TUBB8: variants seen among roughly 807,000 people sequenced by gnomAD.
TUBB8 encodes tubulin beta 8 class VIII.
In TUBB8, 25 loss-of-function variants were observed where a neutral mutation model predicts 33.7. That is an observed-to-expected ratio of 0.74 (90% CI 0.54 to 1.04). The LOEUF (loss-of-function observed/expected upper bound fraction) is 1.04, where lower values mean the gene tolerates loss of function less well. Among genes scored for constraint, TUBB8 ranks in the 50% least tolerant of loss-of-function variants. TUBB8 has a pLI of 0.00. For synonymous variants in TUBB8, 245 were observed against 240.1 expected (o/e 1.02, Z -0.19); for missense variants, 279 against 608.0 (o/e 0.46, Z 5.69).
chr10:51,766 C>A (rs1447947406), upstream of TUBB8, among the ~76,000 whole-genome samples: 1 of 152,168 alleles, frequency 6.6e-6, no homozygotes, highest in Non-Finnish European at 1.5e-5. Context: ...CTTCTAGGAC[C>A]ACCTTCCCTT....
Position 55,205 on chromosome 10 carries a change from G to C in TUBB8, c.-845-4972C>G, listed in dbSNP as rs183196568. 1.5e-3 allele frequency among the ~76,000 whole-genome samples: 227 copies of C among 152,312 alleles called. 1 individual carries two copies. The highest frequency in any genetic ancestry group is 2.4e-3 in the Non-Finnish European group (164 of 68,022). On this transcript the variant is annotated intron_variant, in intron 1 of 3. Coordinates refer to the TUBB8 transcript ENST00000564130. ...GAGAGAGCATATATGTGAAGCAAAG[G>C]GGGAAGAGCCCCTTATAAAAACATC...
At chr10:54,843 C>A (rs1834509366) in intron 1 of TUBB8, among the ~76,000 whole-genome samples, 3 of 152,196 alleles carry the variant, frequency 2.0e-5, no homozygotes, top group Admixed American at 2.0e-4. Flanking sequence ...ACTGCAACCT[C>A]CACCTCCTGG....
intron 1 of TUBB8, among the ~76,000 whole-genome samples, chr10:57,218 T>C (rs1376110778): frequency 6.6e-6 from 1 of 152,216 alleles, no homozygotes; most frequent in Non-Finnish European, 1.5e-5. Context: ...TGGGCTGGTA[T>C]TGTGTGCCTC....
chr10:50,968 G>C (rs185052864), upstream of TUBB8, among the ~76,000 whole-genome samples: 24 of 152,296 alleles, frequency 1.6e-4, no homozygotes, highest in African/African-American at 5.8e-4. Flanking sequence ...TTCATAACCT[G>C]TGACATGCTT....
chr10:66,118 C>T (rs1446052989), intron 1 of TUBB8, among the ~76,000 whole-genome samples: 10 of 152,214 alleles, frequency 6.6e-5, no homozygotes, highest in African/African-American at 2.2e-4. Context: ...CAACACTGTA[C>T]GGGAAGTTCC....
intron 1 of TUBB8, among the ~76,000 whole-genome samples, chr10:58,833 T>C (rs1358097130): frequency 1.3e-5 from 2 of 152,226 alleles, no homozygotes; most frequent in African/African-American, 4.8e-5. Flanking sequence ...CAGAGGAGTC[T>C]TTATGTTTTT....
intron 1 of TUBB8, among the ~76,000 whole-genome samples, chr10:61,521 A>G (rs1554740843): frequency 6.6e-6 from 1 of 152,242 alleles, no homozygotes; most frequent in African/African-American, 2.4e-5. Context: ...GCTACTTAAC[A>G]TATGGTCTAT....
At chr10:69,412 G>A (rs1289541624) in intron 1 of TUBB8, among the ~76,000 whole-genome samples, 3 of 152,118 alleles carry the variant, frequency 2.0e-5, no homozygotes, top group Non-Finnish European at 4.4e-5. Flanking sequence ...AGTCACAGCA[G>A]GTGTGGTATC....
At chr10:67,762 AAAT>A (rs1238109302) in intron 1 of TUBB8, among the ~76,000 whole-genome samples, 2 of 152,134 alleles carry the variant, frequency 1.3e-5, no homozygotes, top group African/African-American at 4.8e-5. Context: ...AATTTATTCC[AAAT>A]AATATTATTA....
chr10:48,550 C>G lies in TUBB8; in HGVS notation c.277+65G>C, dbSNP rs1554738763. 5.4e-6 allele frequency: 8 copies of G among 1,469,064 alleles called. 1 individual carries two copies. Among genetic ancestry groups the G allele is most frequent in the Middle Eastern group, 3.6e-4 (2 of 5,576 alleles). The allele number at this position is 1,469,064 out of a possible 1,614,324, so 91.0% of individuals were successfully genotyped here. ...CACAGTTCCCAGAGGATGACCTTAGCACACTCCTGGATTTTGAGCTGCCCT... is the reference window on the plus strand; with the variant it reads ...CACAGTTCCCAGAGGATGACCTTAGGACACTCCTGGATTTTGAGCTGCCCT... On this transcript the variant is annotated intron_variant, in intron 3 of 3. Coordinates refer to ENST00000568584, the MANE Select transcript of TUBB8 (RefSeq NM_177987.3).
In TUBB8 at chr10:69,141, A is replaced by C. The variant is rs565338565; in HGVS notation, c.-846+4828T>G. On this transcript the variant is annotated intron_variant, in intron 1 of 3. Coordinates refer to the TUBB8 transcript ENST00000564130. Reference sequence around the variant, plus strand: ...GGTTCACAATGTCACTCTCTGATTCAACTTTTACAATGGATTCCCACTGGC... The same window carrying C: ...GGTTCACAATGTCACTCTCTGATTCCACTTTTACAATGGATTCCCACTGGC... Among the ~76,000 whole-genome samples, 5 of 152,328 alleles carry C rather than the reference A, an allele frequency of 3.3e-5. 1 individual carries two copies. The South Asian group carries it at 8.3e-4, about 25-fold the overall frequency.
At chr10:70,766 G>A (rs1269702986) in intron 1 of TUBB8, among the ~76,000 whole-genome samples, 69 of 116,158 alleles carry the variant, frequency 5.9e-4, no homozygotes, top group Non-Finnish European at 2.3e-4. Context: ...GAACACAGGA[G>A]GTGGAGGCTG....
In TUBB8 at chr10:47,753, C is replaced by T. The variant is rs1319600033; in HGVS notation, c.639G>A (p.Lys213=). The T allele has an allele frequency of 3.1e-6, 5 of 1,613,742 alleles. No homozygotes were observed. Among genetic ancestry groups the T allele is most frequent in the Non-Finnish European group, 4.2e-6 (5 of 1,180,040 alleles). The stretch of plus-strand genomic sequence containing the variant: ...AGGTGGGTGTGGGCAGTTTTAGGGT[C>T]TTGGAACATATGTCATACAGAGCTT... ...DNEALYDICS[K]TLKLPTPTYG... The change falls in exon 4 of 4, where the codon AAG becomes AAA. Residue 213 remains lysine (K), a synonymous_variant. Transcript: ENST00000568584.
At chr10:70,578 G>A (rs1834723962) in intron 1 of TUBB8, among the ~76,000 whole-genome samples, 1 of 152,184 alleles carries the variant, frequency 6.6e-6, no homozygotes, top group Admixed American at 6.5e-5. Flanking sequence ...ATTGGCTCAT[G>A]CCTGTAATCA....
chr10:76,311 G>A (rs1196698179), upstream of TUBB8, among the ~76,000 whole-genome samples: 2 of 152,030 alleles, frequency 1.3e-5, no homozygotes, highest in South Asian at 4.1e-4. Flanking sequence ...AAATCGCATC[G>A]GTAACCGGCA....
intron 1 of TUBB8, among the ~76,000 whole-genome samples, chr10:72,484 G>A (rs1207291601): frequency 3.3e-5 from 5 of 152,180 alleles, no homozygotes; most frequent in Non-Finnish European, 5.9e-5. Context: ...CTTGAACCCA[G>A]GAGGTGGAGG....
chr10:61,220 T>G (rs1335079647), intron 1 of TUBB8, among the ~76,000 whole-genome samples: 1 of 152,214 alleles, frequency 6.6e-6, no homozygotes, highest in African/African-American at 2.4e-5. Context: ...AAACTTAAAG[T>G]ATAATAATAA....
At chr10:68,368 T>C (rs10904505) in intron 1 of TUBB8, among the ~76,000 whole-genome samples, 7,769 of 152,108 alleles carry the variant, frequency 0.051, 222 homozygotes, top group African/African-American at 0.1. Flanking sequence ...AATACAGATA[T>C]GACACCTGAA....
At chr10:71,420 G>A (rs1160235949) in intron 1 of TUBB8, among the ~76,000 whole-genome samples, 1 of 151,710 alleles carries the variant, frequency 6.6e-6, no homozygotes, top group African/African-American at 2.4e-5. Flanking sequence ...GATCACCTGA[G>A]GTCAGGAGTT....
Sources: allele counts gnomAD v4.1 joint callset (sites outside exome capture counted in the v4.1 genomes callset), GRCh38; gene constraint gnomAD v4.1.1; transcripts MANE v1.5; gene names NCBI Gene and HGNC (gene_info 2026-07-23, HGNC 2026-07-21).